Variants in GLB1 observed in about 807,000 individuals in gnomAD.
GLB1 encodes beta-galactosidase.
GLB1 carries 56 observed loss-of-function variants against 74.0 expected under a neutral mutation model. That is an observed-to-expected ratio of 0.76 (90% CI 0.61 to 0.94). The LOEUF (loss-of-function observed/expected upper bound fraction) is 0.94. GLB1 is among the 40% of genes least tolerant of loss of function. The pLI, the probability that GLB1 is intolerant of heterozygous loss-of-function variation, is 0.00. For missense variants in GLB1, 787 were observed against 845.5 expected (o/e 0.93, Z 0.86); for synonymous variants, 323 against 323.6 (o/e 1.00, Z 0.02).
At chr3:32,970,439 A>G in the GLB1 span, among the ~76,000 whole-genome samples, 1 of 152,208 alleles carries the variant, frequency 6.6e-6, no homozygotes, top group South Asian at 2.1e-4. Context: ...CTAACTTTAA[A>G]AAGGCAAATG....
At chr3:32,972,562 CT>C in the GLB1 span, among the ~76,000 whole-genome samples, 1 of 152,118 alleles carries the variant, frequency 6.6e-6, no homozygotes, top group Non-Finnish European at 1.5e-5. Context: ...CCTTTTACCC[CT>C]GTTTATTAGT....
At chr3:32,980,755 T>C in the GLB1 span, among the ~76,000 whole-genome samples, 1 of 152,006 alleles carries the variant, frequency 6.6e-6, no homozygotes, top group East Asian at 1.9e-4. Context: ...CACTCCAGAC[T>C]GGGCCACAGA....
chr3:33,088,979 T>C (rs1700640816), intron 1 of GLB1, among the ~76,000 whole-genome samples: 3 of 152,170 alleles, frequency 2.0e-5, no homozygotes, highest in African/African-American at 7.2e-5. Context: ...CAAACTCTTG[T>C]GTATATGGTC....
intron 9 of GLB1, among the ~76,000 whole-genome samples, chr3:33,050,493 T>C (rs1241173253): frequency 2.6e-5 from 4 of 152,222 alleles, no homozygotes; most frequent in African/African-American, 9.6e-5. Flanking sequence ...TGCAACAACG[T>C]GGATGAGCGT....
chr3:33,008,546 G>C (rs1696878643), intron 15 of GLB1, among the ~76,000 whole-genome samples: 1 of 152,202 alleles, frequency 6.6e-6, no homozygotes, highest in Non-Finnish European at 1.5e-5. Flanking sequence ...TGGAGAGTCA[G>C]GTGGCTTAAG....
rs4130166 is a variant in GLB1 at position 33,088,063 on chromosome 3, A to G, written c.75+8948T>C. On this transcript the variant is annotated intron_variant, in intron 1 of 15. Coordinates refer to ENST00000307363, the MANE Select transcript of GLB1 (RefSeq NM_000404.4). Reference sequence around the variant, plus strand: ...GCATGACAAGATTCAACACCCTTTCATGATTAAAAAAACCAACAACTCAAC... The same window carrying G: ...GCATGACAAGATTCAACACCCTTTCGTGATTAAAAAAACCAACAACTCAAC... 3.7e-3 allele frequency among the ~76,000 whole-genome samples: 571 copies of G among 152,302 alleles called. 6 individuals are homozygous for G. Among genetic ancestry groups the G allele is most frequent in the African/African-American group, 0.013 (529 of 41,554 alleles).
Position 32,996,971 on chromosome 3 carries a change from G to T in GLB1, c.*74C>A, listed in dbSNP as rs1696326829. The T allele has an allele frequency of 6.2e-7, 1 of 1,612,182 alleles. No individual in the cohort carries two copies. The highest frequency in any genetic ancestry group is 1.7e-5 in the Admixed American group (1 of 59,946). On this transcript the variant is annotated 3_prime_UTR_variant, in exon 16 of 16. Transcript: ENST00000307363. ...TTTCCATTTCCACATTCCAATCAGT[G>T]AAATGTGGCATGACAGGGAGGATCT...
the GLB1 span, among the ~76,000 whole-genome samples, chr3:32,975,937 T>C: frequency 6.6e-6 from 1 of 152,210 alleles, no homozygotes; most frequent in Non-Finnish European, 1.5e-5. Context: ...AACATGGGTG[T>C]CAACAGTAAA....
the GLB1 span, among the ~76,000 whole-genome samples, chr3:32,983,912 A>G: frequency 1.3e-5 from 2 of 151,418 alleles, no homozygotes; most frequent in East Asian, 3.9e-4. Context: ...CTTGAACTCC[A>G]TGGCTGAAGT....
chr3:32,981,399 C>CAAAAAAAAAAA, the GLB1 span, among the ~76,000 whole-genome samples: 9 of 90,478 alleles, frequency 9.9e-5, no homozygotes, highest in South Asian at 4.0e-4. Context: ...GACTCCATCT[C>CAAAAAAAAAAA]AAAAAAAAAA....
At chr3:33,094,354 AC>A in intron 1 of GLB1, 1 of 1,401,462 alleles carries the variant, frequency 7.1e-7, no homozygotes, top group Non-Finnish European at 9.3e-7. Context: ...GTGTCCTTGT[AC>A]CCATTCAAAA....
intron 15 of GLB1, among the ~76,000 whole-genome samples, chr3:33,005,541 A>G (rs1559378485): frequency 6.6e-6 from 1 of 152,164 alleles, no homozygotes; most frequent in Non-Finnish European, 1.5e-5. Flanking sequence ...TAAAAGTTTT[A>G]CATACTCTTT....
rs928862880 is a variant in GLB1 at position 33,065,481 on chromosome 3, C to T, written c.534G>A (p.Gly178=). The change falls in exon 5 of 16, where the codon GGG becomes GGA. Residue 178 remains glycine (G), a synonymous_variant. Transcript: ENST00000307363. ...GGGTTACCTGCACTGTTATAACTGG[C>T]CCTCCATTCTGATAGAGGAGAGGCT... ...KMKPLLYQNG[G]PVITVQVENE... is the part of the protein sequence containing the mutation. 3.1e-5 allele frequency: 49 copies of T among 1,583,624 alleles called. No individual in the cohort carries two copies. Among genetic ancestry groups the T allele is most frequent in the Non-Finnish European group, 3.8e-5 (44 of 1,161,522 alleles).
At chr3:33,059,809 A>T (rs960908549) in intron 5 of GLB1, among the ~76,000 whole-genome samples, 8 of 152,246 alleles carry the variant, frequency 5.3e-5, no homozygotes, top group African/African-American at 1.9e-4. Flanking sequence ...TTTATAAAAA[A>T]TTAAAAAATA....
the GLB1 span, among the ~76,000 whole-genome samples, chr3:32,986,923 A>G: frequency 6.6e-6 from 1 of 152,050 alleles, no homozygotes; most frequent in Non-Finnish European, 1.5e-5. Flanking sequence ...CTCTTCCCCT[A>G]CTGTTCACCT....
chr3:33,079,611 A>C (rs1176466005), intron 1 of GLB1, among the ~76,000 whole-genome samples: 2 of 152,220 alleles, frequency 1.3e-5, no homozygotes, highest in Non-Finnish European at 2.9e-5. Context: ...ATTATGGTTT[A>C]TATTGTATGT....
At chr3:32,994,121 TATGG>T (rs1696267263), downstream of GLB1, among the ~76,000 whole-genome samples, 1 of 152,200 alleles carries the variant, frequency 6.6e-6, no homozygotes, top group African/African-American at 2.4e-5. Context: ...AATAACTGTA[TATGG>T]ATGTTCATAT....
chr3:33,092,889 A>G (rs1213011928), intron 1 of GLB1: 1 of 1,613,972 alleles, frequency 6.2e-7, no homozygotes, highest in Non-Finnish European at 8.5e-7. Context: ...ACCCAGCCTC[A>G]TGGGTATCCC....
rs7637435 is a variant in GLB1 at position 33,058,388 on chromosome 3, T to C, written c.553-119A>G. On this transcript the variant is annotated intron_variant, in intron 5 of 15. Coordinates refer to ENST00000307363, the MANE Select transcript of GLB1 (RefSeq NM_000404.4). ...TAAGATGACAAGGCTTAATGACTGCTGGAAAAATTTCCTTCACTCAGACCT... is the reference window on the plus strand; with the variant it reads ...TAAGATGACAAGGCTTAATGACTGCCGGAAAAATTTCCTTCACTCAGACCT... 0.99 allele frequency: 1,441,781 copies of C among 1,449,752 alleles called. 717,270 individuals are homozygous for C. Among genetic ancestry groups the C allele is most frequent in the East Asian group, 1 (41,176 of 41,176 alleles). The allele number at this position is 1,449,752 out of a possible 1,614,324, so 89.8% of individuals were successfully genotyped here.
Sources: gnomAD v4.1 joint callset for allele counts (sites outside exome capture counted in the v4.1 genomes callset) on GRCh38, gnomAD v4.1.1 for gene constraint, MANE v1.5 for transcripts, NCBI Gene and HGNC (gene_info 2026-07-23, HGNC 2026-07-21) for gene names.